Variants in PDE4D observed in about 807,000 individuals in gnomAD.
The protein encoded by PDE4D is 3',5'-cyclic-AMP phosphodiesterase 4D.
A neutral mutation model predicts 87.4 loss-of-function variants in PDE4D; 24 were observed. The observed-to-expected ratio is 0.27, with a 90% confidence interval of 0.20 to 0.39. PDE4D has a LOEUF of 0.39. Among genes scored for constraint, PDE4D ranks in the 10% least tolerant of loss-of-function variants. The pLI, the probability that PDE4D is intolerant of heterozygous loss-of-function variation, is 1.00. For synonymous variants in PDE4D, 384 were observed against 383.2 expected (o/e 1.00, Z -0.02); for missense variants, 714 against 1,041.0 (o/e 0.69, Z 4.32).
intron 3 of PDE4D, among the ~76,000 whole-genome samples, chr5:59,916,954 ATTTTTTTTTTTTTTTT>A (rs750105496): frequency 4.1e-5 from 3 of 73,616 alleles, no homozygotes; most frequent in African/African-American, 2.6e-4. Flanking sequence ...TGCCCGGCTA[ATTTTTTTTTTTTTTTT>A]TTTTTTTTTT....
intron 1 of PDE4D, among the ~76,000 whole-genome samples, chr5:60,414,263 T>A (rs1742296605): frequency 6.6e-6 from 1 of 152,194 alleles, no homozygotes; most frequent in African/African-American, 2.4e-5. Flanking sequence ...TTTAGGTAGT[T>A]TTTATGTGTT....
At chr5:59,551,471 T>TCACACACACACACA (rs34301317) in intron 1 of PDE4D, among the ~76,000 whole-genome samples, 118 of 148,878 alleles carry the variant, frequency 7.9e-4, no homozygotes, top group African/African-American at 2.5e-3. Flanking sequence ...GCTACTTCAG[T>TCACACACACACACA]CACACACACA....
At chr5:59,979,828 T>A (rs1761730694) in intron 3 of PDE4D, among the ~76,000 whole-genome samples, 2 of 151,872 alleles carry the variant, frequency 1.3e-5, no homozygotes, top group African/African-American at 4.8e-5. Flanking sequence ...TACCTAGAAT[T>A]TTTTTTTGGT....
exon 2 of PDE4D, chr5:60,185,566 C>G (rs772732333): frequency 5.2e-6 from 8 of 1,528,936 alleles, no homozygotes; most frequent in South Asian, 3.6e-5. Context: ...CACTTTTGCT[C>G]CGAGAAAGCA....
chr5:59,258,109 C>CT (rs1394493139), intron 1 of PDE4D, among the ~76,000 whole-genome samples: 1 of 151,960 alleles, frequency 6.6e-6, no homozygotes, highest in East Asian at 1.9e-4. Context: ...AAAAGATAGC[C>CT]TTTCTGCTCC....
intron 5 of PDE4D, among the ~76,000 whole-genome samples, chr5:59,093,213 G>T (rs537484766): frequency 6.6e-6 from 1 of 152,308 alleles, no homozygotes; most frequent in African/African-American, 2.4e-5. Context: ...CTGCTTGGAG[G>T]CAGCAGAATT....
At chr5:59,348,590 C>T (rs1203527148) in intron 1 of PDE4D, among the ~76,000 whole-genome samples, 2 of 144,670 alleles carry the variant, frequency 1.4e-5, no homozygotes, top group African/African-American at 5.0e-5. Flanking sequence ...TAGCTCAACA[C>T]AAAGCTTATC....
intron 5 of PDE4D, among the ~76,000 whole-genome samples, chr5:59,136,522 A>C (rs771162449): frequency 1.3e-5 from 2 of 152,230 alleles, no homozygotes; most frequent in Non-Finnish European, 2.9e-5. Context: ...TTTAGACATA[A>C]CATAATGCAA....
intron 2 of PDE4D, among the ~76,000 whole-genome samples, chr5:60,079,214 CCTA>C (rs1477713352): frequency 6.6e-6 from 1 of 152,066 alleles, no homozygotes; most frequent in Non-Finnish European, 1.5e-5. Flanking sequence ...ATATCCTTTG[CCTA>C]CTTTTTGATG....
At chr5:60,187,520 T>G (rs1784878677) in intron 1 of PDE4D, among the ~76,000 whole-genome samples, 1 of 152,212 alleles carries the variant, frequency 6.6e-6, no homozygotes, top group Non-Finnish European at 1.5e-5. Flanking sequence ...ATGGAATAGT[T>G]GCCCTACTGG....
At chr5:59,943,592 A>G (rs1757413511) in intron 3 of PDE4D, among the ~76,000 whole-genome samples, 1 of 152,028 alleles carries the variant, frequency 6.6e-6, no homozygotes, top group African/African-American at 2.4e-5. Context: ...CCTCTTTGAG[A>G]CTCATCTGTC....
At chr5:58,976,752 A>C (rs1454429885) in intron 12 of PDE4D, among the ~76,000 whole-genome samples, 1 of 152,176 alleles carries the variant, frequency 6.6e-6, no homozygotes, top group African/African-American at 2.4e-5. Context: ...CATCATCACA[A>C]GTTTATAAGT....
intron 1 of PDE4D, among the ~76,000 whole-genome samples, chr5:59,538,139 C>G (rs1214790938): frequency 1.3e-5 from 2 of 152,180 alleles, no homozygotes; most frequent in Non-Finnish European, 2.9e-5. Context: ...CAGAAAAATT[C>G]TGCAATGCTA....
chr5:60,040,544 C>A (rs1222686774), intron 2 of PDE4D, among the ~76,000 whole-genome samples: 1 of 152,126 alleles, frequency 6.6e-6, no homozygotes, highest in Non-Finnish European at 1.5e-5. Context: ...TGGTTATATA[C>A]AACCATTACT....
chr5:60,332,645 T>C (rs888564504), intron 1 of PDE4D, among the ~76,000 whole-genome samples: 1 of 152,224 alleles, frequency 6.6e-6, no homozygotes, highest in Non-Finnish European at 1.5e-5. Flanking sequence ...GCTATCTTTA[T>C]AGCCACAACC....
chr5:59,189,232 G>T (rs942082278), intron 3 of PDE4D, among the ~76,000 whole-genome samples: 2 of 99,926 alleles, frequency 2.0e-5, no homozygotes, highest in Admixed American at 1.1e-4. Context: ...TTCCTACCCC[G>T]TTTTTTTTTT....
chr5:60,091,730 C>T (rs1160215292), intron 2 of PDE4D, among the ~76,000 whole-genome samples: 1 of 152,086 alleles, frequency 6.6e-6, no homozygotes, highest in East Asian at 1.9e-4. Context: ...ATGGAAGCAA[C>T]CTATATACCT....
At chr5:59,896,485 G>A (rs1463760881), upstream of PDE4D, among the ~76,000 whole-genome samples, 1 of 152,156 alleles carries the variant, frequency 6.6e-6, no homozygotes, top group Admixed American at 6.5e-5. Context: ...GCAGGATAGG[G>A]CTTGAGGCTT....
At chr5:59,490,205 C>T (rs1000206967) in intron 1 of PDE4D, among the ~76,000 whole-genome samples, 9 of 152,086 alleles carry the variant, frequency 5.9e-5, no homozygotes, top group African/African-American at 2.2e-4. Context: ...AAATAAATTT[C>T]ATATGCTAAG....
Sources: gnomAD v4.1 joint callset for allele counts (sites outside exome capture counted in the v4.1 genomes callset) on GRCh38, gnomAD v4.1.1 for gene constraint, MANE v1.5 for transcripts, NCBI Gene and HGNC (gene_info 2026-07-23, HGNC 2026-07-21) for gene names.